PARD3B: variants seen among roughly 807,000 people sequenced by gnomAD.
The protein encoded by PARD3B is par-3 family cell polarity regulator beta.
PARD3B carries 103 observed loss-of-function variants against 130.2 expected under a neutral mutation model. The ratio of observed to expected loss-of-function variants is 0.79; its 90% CI spans 0.67 to 0.93. The LOEUF (loss-of-function observed/expected upper bound fraction) is 0.93, where lower values mean the gene tolerates loss of function less well. Among genes scored for constraint, PARD3B ranks in the 40% least tolerant of loss-of-function variants. The pLI is 0.00. For synonymous variants in PARD3B, 583 were observed against 553.2 expected (o/e 1.05, Z -0.76); for missense variants, 1,609 against 1,499.2 (o/e 1.07, Z -1.21).
intron 21 of PARD3B, among the ~76,000 whole-genome samples, chr2:205,544,042 A>G (rs2052281854): frequency 6.6e-6 from 1 of 152,196 alleles, no homozygotes; most frequent in South Asian, 2.1e-4. Flanking sequence ...GTGAGTGAAT[A>G]ACACTGTCAC....
chr2:205,068,927 A>C (rs1700553912), intron 4 of PARD3B, among the ~76,000 whole-genome samples: 2 of 152,134 alleles, frequency 1.3e-5, no homozygotes. Flanking sequence ...TTTGTGATCT[A>C]GTGTATGATT....
At chr2:205,579,688 G>A (rs923272490) in intron 22 of PARD3B, among the ~76,000 whole-genome samples, 7 of 152,158 alleles carry the variant, frequency 4.6e-5, no homozygotes, top group African/African-American at 1.2e-4. Flanking sequence ...TTGTTGAGGG[G>A]GGACAGTTAA....
At chr2:204,640,231 G>A (rs1424630776) in intron 1 of PARD3B, among the ~76,000 whole-genome samples, 1 of 152,152 alleles carries the variant, frequency 6.6e-6, no homozygotes, top group African/African-American at 2.4e-5. Flanking sequence ...ATTGCAACCT[G>A]TGCAACAGAG....
intron 16 of PARD3B, among the ~76,000 whole-genome samples, chr2:205,264,290 A>T (rs777683581): frequency 9.9e-5 from 15 of 151,018 alleles, no homozygotes; most frequent in Non-Finnish European, 1.9e-4. Flanking sequence ...TAATTCTTTG[A>T]TGGGGGTAAC....
intron 3 of PARD3B, among the ~76,000 whole-genome samples, chr2:205,044,397 G>T (rs1432771709): frequency 8.1e-5 from 12 of 148,734 alleles, no homozygotes; most frequent in Non-Finnish European, 1.6e-4. Flanking sequence ...TTCCACAATG[G>T]TTGAACTAGT....
At chr2:204,682,797 TG>T (rs1404636952) in intron 1 of PARD3B, among the ~76,000 whole-genome samples, 1 of 152,230 alleles carries the variant, frequency 6.6e-6, no homozygotes, top group East Asian at 1.9e-4. Flanking sequence ...TCCCAGTTCA[TG>T]GTAGTCACAG....
intron 18 of PARD3B, among the ~76,000 whole-genome samples, chr2:205,375,264 T>C (rs1290437073): frequency 2.0e-5 from 3 of 152,196 alleles, no homozygotes; most frequent in South Asian, 2.1e-4. Flanking sequence ...AAATACAATG[T>C]AAAGAACACT....
chr2:205,153,860 T>C (rs2033929975), intron 10 of PARD3B, among the ~76,000 whole-genome samples: 1 of 152,222 alleles, frequency 6.6e-6, no homozygotes, highest in South Asian at 2.1e-4. Context: ...AAGCTGAAAC[T>C]GGATCCCTTC....
chr2:204,924,544 C>A (rs1032472639), intron 2 of PARD3B, among the ~76,000 whole-genome samples: 1 of 152,032 alleles, frequency 6.6e-6, no homozygotes, highest in African/African-American at 2.4e-5. Flanking sequence ...AAAAAGTCAT[C>A]TGTGAATAGT....
chr2:204,878,862 G>A (rs747101862), intron 2 of PARD3B, among the ~76,000 whole-genome samples: 16 of 152,198 alleles, frequency 1.1e-4, no homozygotes, highest in Non-Finnish European at 2.1e-4. Context: ...TTAGAAAATT[G>A]TAAATTATAG....
intron 2 of PARD3B, among the ~76,000 whole-genome samples, chr2:204,770,993 C>T (rs1034153688): frequency 2.0e-5 from 3 of 152,034 alleles, no homozygotes; most frequent in Non-Finnish European, 2.9e-5. Context: ...TCAATCAGAG[C>T]AGAATTGAAA....
At chr2:205,348,687 G>C (rs1485441526) in intron 18 of PARD3B, among the ~76,000 whole-genome samples, 1 of 152,206 alleles carries the variant, frequency 6.6e-6, no homozygotes, top group Non-Finnish European at 1.5e-5. Context: ...AAATAATAGA[G>C]TAGGTTGGGA....
At chr2:205,266,312 A>T (rs1323099944) in intron 16 of PARD3B, among the ~76,000 whole-genome samples, 1 of 152,126 alleles carries the variant, frequency 6.6e-6, no homozygotes, top group African/African-American at 2.4e-5. Flanking sequence ...ATTTTATTTA[A>T]TTCAAGATGC....
At chr2:204,919,567 T>C (rs1017543005) in intron 2 of PARD3B, among the ~76,000 whole-genome samples, 2 of 152,332 alleles carry the variant, frequency 1.3e-5, no homozygotes, top group Non-Finnish European at 2.9e-5. Flanking sequence ...TTTAGTATAT[T>C]TGTAGTTAGC....
intron 2 of PARD3B, among the ~76,000 whole-genome samples, chr2:204,694,082 G>A (rs1330902512): frequency 2.6e-5 from 4 of 152,120 alleles, no homozygotes; most frequent in African/African-American, 7.2e-5. Flanking sequence ...CGTTCACATC[G>A]TATTATTGGG....
chr2:205,205,720 T>C (rs922874544), intron 15 of PARD3B, among the ~76,000 whole-genome samples: 8 of 152,234 alleles, frequency 5.3e-5, no homozygotes, highest in African/African-American at 1.9e-4. Flanking sequence ...GTTTTTGTCA[T>C]TGGTTCCGTT....
At chr2:205,329,833 A>C (rs2043052099) in intron 18 of PARD3B, among the ~76,000 whole-genome samples, 1 of 151,766 alleles carries the variant, frequency 6.6e-6, no homozygotes, top group African/African-American at 2.4e-5. Flanking sequence ...TCTACTAAAA[A>C]TAACACAAAA....
At chr2:204,758,971 T>A (rs2040787561) in intron 2 of PARD3B, among the ~76,000 whole-genome samples, 1 of 152,190 alleles carries the variant, frequency 6.6e-6, no homozygotes, top group African/African-American at 2.4e-5. Context: ...CTTATTCATA[T>A]CTCATATAGA....
At position 205,125,655 on chromosome 2, in the gene PARD3B, C is replaced by T; in HGVS notation, c.1352C>T (p.Ala451Val). ...VTGRTQEELVAMLRSTKQGET... is the reference protein window; with the variant it reads ...VTGRTQEELVVMLRSTKQGET... ...GGACGAACCCAGGAAGAGCTTGTGG[C>T]CATGCTCAGGAGCACCAAGCAGGGG... Residue 451 changes from alanine to valine, a missense_variant, in exon 10 of 23, where the codon GCC becomes GTC. Ala to Val is a moderately conservative substitution (Grantham distance 64). Transcript: ENST00000406610. This position sits in a 1 kb window ranked among gnomAD's most constrained non-coding sequence, Gnocchi z 4.0. 6.2e-7 allele frequency: 1 copy of T among 1,614,032 alleles called. No individual in the cohort carries two copies. Among genetic ancestry groups the T allele is most frequent in the South Asian group, 1.1e-5 (1 of 91,070 alleles).
Sources: allele counts gnomAD v4.1 joint callset (sites outside exome capture counted in the v4.1 genomes callset), GRCh38; gene constraint gnomAD v4.1.1; non-coding constraint Gnocchi (gnomAD v3.1); transcripts MANE v1.5; gene names NCBI Gene and HGNC (gene_info 2026-07-23, HGNC 2026-07-21).